ME1: variants seen among roughly 807,000 people sequenced by gnomAD.
The protein encoded by ME1 is malic enzyme 1.
Under a neutral mutation model 66.4 loss-of-function variants are expected in ME1, and 74 were observed. The observed-to-expected ratio is 1.11, with a 90% confidence interval of 0.92 to 1.35. The LOEUF (loss-of-function observed/expected upper bound fraction) is 1.35. ME1 is among the 40% of genes most tolerant of loss of function. The pLI, the probability that ME1 is intolerant of heterozygous loss-of-function variation, is 0.00. For synonymous variants in ME1, 251 were observed against 235.6 expected (o/e 1.07, Z -0.60); for missense variants, 750 against 694.1 (o/e 1.08, Z -0.90).
intron 3 of ME1, among the ~76,000 whole-genome samples, chr6:83,375,624 T>C (rs1015747520): frequency 7.2e-5 from 11 of 152,154 alleles, no homozygotes; most frequent in African/African-American, 2.7e-4. Flanking sequence ...GAACTTCCAA[T>C]ACTATGTTGA....
At chr6:83,261,885 G>A (rs532752683) in intron 6 of ME1, among the ~76,000 whole-genome samples, 1 of 151,738 alleles carries the variant, frequency 6.6e-6, no homozygotes, top group Non-Finnish European at 1.5e-5. Context: ...GTGGTGGCAG[G>A]CGCTTGTAAT....
chr6:83,399,025 G>A (rs935694931), intron 2 of ME1, among the ~76,000 whole-genome samples: 12 of 151,834 alleles, frequency 7.9e-5, no homozygotes, highest in Admixed American at 3.3e-4. Flanking sequence ...ACAGAGTCTC[G>A]CTCTGTCGCC....
chr6:83,261,809 T>A (rs1489519734), intron 6 of ME1, among the ~76,000 whole-genome samples: 1 of 150,436 alleles, frequency 6.6e-6, no homozygotes, highest in African/African-American at 2.4e-5. Context: ...AGGTCAGGAG[T>A]TCGAGACCAG....
chr6:83,260,598 G>A (rs1302699708), intron 6 of ME1, among the ~76,000 whole-genome samples: 3 of 152,084 alleles, frequency 2.0e-5, no homozygotes, highest in Non-Finnish European at 2.9e-5. Flanking sequence ...GGGTGGTGAT[G>A]AGAACACATG....
intron 7 of ME1, among the ~76,000 whole-genome samples, chr6:83,246,808 A>C (rs1419324256): frequency 2.0e-5 from 3 of 152,134 alleles, no homozygotes; most frequent in Non-Finnish European, 2.9e-5. Context: ...AAGTTGTATC[A>C]ATCTATACTT....
chr6:83,228,935 A>C lies in ME1; in HGVS notation c.1027-4T>G, dbSNP rs546262109. The C allele has an allele frequency of 6.3e-7, 1 of 1,581,024 alleles. No individual in the cohort carries two copies. Among genetic ancestry groups the C allele is most frequent in the South Asian group, 1.2e-5 (1 of 85,984 alleles). On this transcript the variant is annotated splice_region_variant and splice_polypyrimidine_tract_variant and intron_variant, in intron 9 of 13. Coordinates refer to ENST00000369705, the MANE Select transcript of ME1 (RefSeq NM_002395.6). ...CTTGTGTTAAGGAAGCACGTCCCTAAGTAAAGCCAGTAAGAAAAAATTAAG... is the reference window on the plus strand; with the variant it reads ...CTTGTGTTAAGGAAGCACGTCCCTACGTAAAGCCAGTAAGAAAAAATTAAG...
intron 12 of ME1, among the ~76,000 whole-genome samples, chr6:83,217,540 A>G (rs1168848704): frequency 6.6e-6 from 1 of 152,212 alleles, no homozygotes; most frequent in African/African-American, 2.4e-5. Context: ...TGTATAATTT[A>G]GTAAGGTAAC....
intron 3 of ME1, among the ~76,000 whole-genome samples, chr6:83,360,255 C>T (rs1304797614): frequency 6.6e-6 from 1 of 152,142 alleles, no homozygotes; most frequent in Non-Finnish European, 1.5e-5. Flanking sequence ...CCCACCCTTC[C>T]CCAAGGAGAC....
rs750528934 is a variant in ME1, at chr6:83,393,056, G to A, written c.362+5311C>T. 1.0e-5 allele frequency: 14 copies of A among 1,406,920 alleles called. No individual in the cohort carries two copies. The African/African-American group carries it at 1.7e-4, about 17-fold the overall frequency. The allele number at this position is 1,406,920 out of a possible 1,614,324, so 87.2% of individuals were successfully genotyped here. On this transcript the variant is annotated intron_variant, in intron 3 of 13. Coordinates refer to ENST00000369705, the MANE Select transcript of ME1 (RefSeq NM_002395.6). ...CTACTGGTGCTGCCAAGGCTGTGAGGAAGGTCATCCCTGAGCTAAACGGGA... is the reference window on the plus strand; with the variant it reads ...CTACTGGTGCTGCCAAGGCTGTGAGAAAGGTCATCCCTGAGCTAAACGGGA...
intron 5 of ME1, among the ~76,000 whole-genome samples, chr6:83,319,597 A>C (rs1249456632): frequency 6.6e-6 from 1 of 152,198 alleles, no homozygotes; most frequent in Non-Finnish European, 1.5e-5. Context: ...CAGACTGAGA[A>C]AGTTATTCAG....
At chr6:83,380,409 T>C (rs1769374298) in intron 3 of ME1, among the ~76,000 whole-genome samples, 1 of 152,052 alleles carries the variant, frequency 6.6e-6, no homozygotes, top group South Asian at 2.1e-4. Flanking sequence ...TAATTAGATA[T>C]ATCTTTTTGA....
chr6:83,315,522 C>T, intron 5 of ME1, 109 bp from the exon 6 acceptor site: 1 of 657,376 alleles, frequency 1.5e-6, no homozygotes, highest in Non-Finnish European at 2.7e-6. Flanking sequence ...TAAAATCTTA[C>T]CATACTGATT....
At chr6:83,290,700 G>C (rs1210618137) in intron 6 of ME1, among the ~76,000 whole-genome samples, 1 of 151,824 alleles carries the variant, frequency 6.6e-6, no homozygotes, top group Non-Finnish European at 1.5e-5. Context: ...CTGTCTTGTT[G>C]ATCTAATATT....
chr6:83,407,732 A>C lies in ME1; in HGVS notation c.212+36T>G. On this transcript the variant is annotated intron_variant, in intron 2 of 13. Transcript: ENST00000369705. Reference sequence around the variant, plus strand: ...AAAAAATAAACTAGACAACTGCATAAGAGAAATATAAAAACCACCTTCAGC... The same window carrying C: ...AAAAAATAAACTAGACAACTGCATACGAGAAATATAAAAACCACCTTCAGC... 3 of 1,531,302 alleles carry C rather than the reference A, an allele frequency of 2.0e-6. No homozygotes were observed. The South Asian group carries it at 3.9e-5, about 20-fold the overall frequency. The allele number at this position is 1,531,302 out of a possible 1,614,324, so 94.9% of individuals were successfully genotyped here.
chr6:83,235,140 T>C (rs1298005610), intron 9 of ME1, among the ~76,000 whole-genome samples: 2 of 152,252 alleles, frequency 1.3e-5, no homozygotes, highest in Non-Finnish European at 2.9e-5. Context: ...CTTAGCTTAA[T>C]AGACACGTTG....
In ME1 at chr6:83,352,677, G is replaced by A. The variant is rs73749796; in HGVS notation, c.363-538C>T. Among the ~76,000 whole-genome samples, 568 of 152,206 alleles carry A rather than the reference G, an allele frequency of 3.7e-3. 1 individual carries two copies. The highest frequency in any genetic ancestry group is 0.012 in the African/African-American group (516 of 41,518). On this transcript the variant is annotated intron_variant, in intron 3 of 13. Transcript: ENST00000369705. ...TCTTTGATTTGTGATCTTAGTTGCC[G>A]TTTGCAACTCTGTTATTTACTCTAA...
intron 1 of ME1, among the ~76,000 whole-genome samples, chr6:83,408,714 C>T (rs1190770775): frequency 1.3e-5 from 2 of 152,084 alleles, no homozygotes; most frequent in African/African-American, 4.8e-5. Flanking sequence ...TAATACAAGA[C>T]AAAGTAATAT....
chr6:83,423,237 CATT>C lies in ME1; in HGVS notation c.78+7637_78+7639del, dbSNP rs1205614315. On this transcript the variant is annotated intron_variant, in intron 1 of 13. Coordinates refer to ENST00000369705, the MANE Select transcript of ME1 (RefSeq NM_002395.6). ...TCTTAAAGGGAAAGAACTGTCAACT[CATT>C]ATTATATAACTATTGAAAATATCCT... Among the ~76,000 whole-genome samples, 5 of 150,740 alleles carry C rather than the reference CATT, an allele frequency of 3.3e-5. No individual in the cohort carries two copies. The East Asian group carries it at 7.8e-4, about 24-fold the overall frequency.
intron 3 of ME1, among the ~76,000 whole-genome samples, chr6:83,379,359 G>C (rs1769351811): frequency 6.6e-6 from 1 of 151,988 alleles, no homozygotes; most frequent in Non-Finnish European, 1.5e-5. Context: ...TCTGGGTGAG[G>C]ACTTTCTTGA....
Sources: gnomAD v4.1 joint callset for allele counts (sites outside exome capture counted in the v4.1 genomes callset) on GRCh38, gnomAD v4.1.1 for gene constraint, MANE v1.5 for transcripts, NCBI Gene and HGNC (gene_info 2026-07-23, HGNC 2026-07-21) for gene names.